YWHAE: variants seen among roughly 807,000 people sequenced by gnomAD.
YWHAE encodes tyrosine 3-monooxygenase/tryptophan 5-monooxygenase activation protein epsilon, also known as 14-3-3 protein epsilon.
A neutral mutation model predicts 30.1 loss-of-function variants in YWHAE; 4 were observed. That is an observed-to-expected ratio of 0.13 (90% CI 0.07 to 0.30). The LOEUF (loss-of-function observed/expected upper bound fraction) is 0.30. Ranked by LOEUF, YWHAE falls within the 10% of genes least tolerant of loss-of-function variation. The pLI is 1.00. For synonymous variants in YWHAE, 118 were observed against 111.8 expected, an observed-to-expected ratio of 1.06 and a Z score of -0.35; for missense variants, 121 against 315.9, an observed-to-expected ratio of 0.38 and a Z score of 4.68.
intron 1 of YWHAE, among the ~76,000 whole-genome samples, chr17:1,394,301 A>C (rs1045658784): frequency 1.3e-5 from 2 of 152,118 alleles, no homozygotes; most frequent in Admixed American, 1.3e-4. Flanking sequence ...GAGGTACTGC[A>C]TAATGTCATA....
chr17:1,349,879 G>T (rs936318516), intron 5 of YWHAE, among the ~76,000 whole-genome samples: 2 of 151,994 alleles, frequency 1.3e-5, no homozygotes, highest in Non-Finnish European at 2.9e-5. Context: ...CTCCCAAAGT[G>T]CTGGGATTAA....
intron 1 of YWHAE, among the ~76,000 whole-genome samples, chr17:1,385,713 G>C (rs2073290412): frequency 6.6e-6 from 1 of 152,110 alleles, no homozygotes; most frequent in Non-Finnish European, 1.5e-5. Context: ...CCCAATACTA[G>C]TTCCATTACC....
At chr17:1,374,004 GGA>G (rs2073086228) in intron 1 of YWHAE, among the ~76,000 whole-genome samples, 1 of 152,056 alleles carries the variant, frequency 6.6e-6, no homozygotes, top group Non-Finnish European at 1.5e-5. Context: ...CCTACTGTAT[GGA>G]TATACTATGC....
chr17:1,354,131 C>A, intron 5 of YWHAE, 80 bp downstream of exon 5: 1 of 1,521,182 alleles, frequency 6.6e-7, no homozygotes, highest in Non-Finnish European at 8.8e-7. Flanking sequence ...GATATAACGA[C>A]AAGCCAAGGA....
At chr17:1,395,639 G>A (rs1201643677) in intron 1 of YWHAE, among the ~76,000 whole-genome samples, 1 of 149,688 alleles carries the variant, frequency 6.7e-6, no homozygotes, top group East Asian at 1.9e-4. Context: ...GAAAATTACT[G>A]GCCTACAGTC....
intron 1 of YWHAE, among the ~76,000 whole-genome samples, chr17:1,369,557 C>A (rs933723893): frequency 1.3e-5 from 2 of 152,142 alleles, no homozygotes; most frequent in East Asian, 3.8e-4. Flanking sequence ...CTGCAATCAT[C>A]ATAATTTTAG....
chr17:1,373,377 G>GT (rs2073071032), intron 1 of YWHAE, among the ~76,000 whole-genome samples: 2 of 151,580 alleles, frequency 1.3e-5, no homozygotes, highest in Admixed American at 1.3e-4. Flanking sequence ...GTAATGAAAA[G>GT]TTTGAGGCCG....
chr17:1,354,148 A>C (rs957804318), intron 5 of YWHAE, 63 bp downstream of exon 5: 4 of 1,581,580 alleles, frequency 2.5e-6, no homozygotes, highest in Admixed American at 1.8e-5. Flanking sequence ...AGGAATGTCT[A>C]AAGAGAGTAC....
chr17:1,389,128 G>C (rs907767074), intron 1 of YWHAE, among the ~76,000 whole-genome samples: 5 of 151,954 alleles, frequency 3.3e-5, no homozygotes, highest in Non-Finnish European at 7.4e-5. Flanking sequence ...ACTAGGTCAA[G>C]CTAATTCTGT....
chr17:1,391,031 G>A (rs1448620831), intron 1 of YWHAE, among the ~76,000 whole-genome samples: 2 of 152,068 alleles, frequency 1.3e-5, no homozygotes, highest in African/African-American at 2.4e-5. Flanking sequence ...ATGTATGTAG[G>A]GAAAGCTCTG....
At chr17:1,392,188 AAAAAAG>A (rs886867251) in intron 1 of YWHAE, among the ~76,000 whole-genome samples, 12 of 152,178 alleles carry the variant, frequency 7.9e-5, no homozygotes, top group South Asian at 2.1e-4. Flanking sequence ...TTGTCTCGGG[AAAAAAG>A]AAAAAGAAAA....
rs1476593167 is a variant in YWHAE at position 1,345,156 on chromosome 17, T to C, written c.*291A>G. The C allele has an allele frequency of 3.9e-5, 17 of 436,052 alleles. No individual in the cohort carries two copies. The Admixed American group carries it at 6.0e-4, about 15-fold the overall frequency. 27.0% of individuals were successfully genotyped at this position (436,052 alleles called of 1,614,324 possible). A position where few individuals can be genotyped will look rare whatever the true frequency, so the allele number is the denominator to read the frequency against. Reference sequence around the variant, plus strand: ...TTGCTAATGGTGATCTTGCCACATCTGGCACGGAGACGACACAGTAATGCT... The same window carrying C: ...TTGCTAATGGTGATCTTGCCACATCCGGCACGGAGACGACACAGTAATGCT... On this transcript the variant is annotated 3_prime_UTR_variant, in exon 6 of 6. Transcript: ENST00000264335.
chr17:1,384,354 AGAGT>A (rs1421227119), intron 1 of YWHAE, among the ~76,000 whole-genome samples: 1 of 151,940 alleles, frequency 6.6e-6, no homozygotes, highest in African/African-American at 2.4e-5. Flanking sequence ...AGCTTGGGCA[AGAGT>A]GAGACCACAT....
intron 4 of YWHAE, among the ~76,000 whole-genome samples, chr17:1,360,382 T>C (rs559954402): frequency 6.6e-6 from 1 of 152,342 alleles, no homozygotes; most frequent in Non-Finnish European, 1.5e-5. Flanking sequence ...TAACACACAT[T>C]AGTAAGACTG....
intron 1 of YWHAE, among the ~76,000 whole-genome samples, chr17:1,390,101 C>T (rs2073367664): frequency 6.6e-6 from 1 of 152,144 alleles, no homozygotes; most frequent in Non-Finnish European, 1.5e-5. Context: ...AACTTGGCCT[C>T]CCAAAGTGCT....
intron 1 of YWHAE, among the ~76,000 whole-genome samples, chr17:1,367,886 G>A (rs1423487498): frequency 1.3e-5 from 2 of 152,166 alleles, no homozygotes; most frequent in Non-Finnish European, 2.9e-5. Context: ...TCACAGAATT[G>A]TACATGTAAA....
chr17:1,382,284 A>G (rs111780665), intron 1 of YWHAE, among the ~76,000 whole-genome samples: 26 of 148,158 alleles, frequency 1.8e-4, no homozygotes, highest in African/African-American at 6.2e-4. Context: ...TCCTGACCTC[A>G]TGATCTGCCC....
At chr17:1,384,019 C>T (rs572699785) in intron 1 of YWHAE, among the ~76,000 whole-genome samples, 96 of 151,928 alleles carry the variant, frequency 6.3e-4, no homozygotes, top group African/African-American at 2.2e-3. Context: ...ACCTGGCCAA[C>T]ATGGTGAAAC....
intron 1 of YWHAE, among the ~76,000 whole-genome samples, chr17:1,367,019 T>G (rs1199409060): frequency 6.6e-6 from 1 of 152,114 alleles, no homozygotes; most frequent in Non-Finnish European, 1.5e-5. Context: ...AAAATATGTT[T>G]CAAAAATTAA....
Sources: allele counts gnomAD v4.1 joint callset (sites outside exome capture counted in the v4.1 genomes callset), GRCh38; gene constraint gnomAD v4.1.1; transcripts MANE v1.5; gene names NCBI Gene and HGNC (gene_info 2026-07-23, HGNC 2026-07-21).